The following DPP10 variants were observed in gnomAD, a reference collection of about 807,000 sequenced individuals.
DPP10 encodes the protein dipeptidyl peptidase like 10.
Under a neutral mutation model 120.9 loss-of-function variants are expected in DPP10, and 33 were observed. That is an observed-to-expected ratio of 0.27 (90% CI 0.21 to 0.37). DPP10 has a LOEUF of 0.37. DPP10 is among the 10% of genes least tolerant of loss of function. DPP10 has a pLI of 1.00. For missense variants in DPP10, 816 were observed against 942.8 expected (o/e 0.87, Z 1.76); for synonymous variants, 337 against 326.1 (o/e 1.03, Z -0.36).
At chr2:114,812,607 C>G (rs1290591983) in intron 1 of DPP10, among the ~76,000 whole-genome samples, 8 of 151,632 alleles carry the variant, frequency 5.3e-5, no homozygotes, top group Non-Finnish European at 8.8e-5. Context: ...CACACACACA[C>G]ACACACACAC....
At chr2:115,743,735 CT>C (rs1186139429) in intron 9 of DPP10, among the ~76,000 whole-genome samples, 1 of 143,136 alleles carries the variant, frequency 7.0e-6, no homozygotes, top group Non-Finnish European at 1.5e-5. Flanking sequence ...AAGTGTTTGT[CT>C]CATTTTTGAC....
At chr2:114,608,420 A>G (rs1477696826) in intron 1 of DPP10, among the ~76,000 whole-genome samples, 1 of 152,182 alleles carries the variant, frequency 6.6e-6, no homozygotes, top group Non-Finnish European at 1.5e-5. Flanking sequence ...AGACGGTGGT[A>G]ACAGCAAATA....
intron 1 of DPP10, among the ~76,000 whole-genome samples, chr2:114,633,418 A>G (rs1444650382): frequency 6.7e-6 from 1 of 149,524 alleles, no homozygotes; most frequent in East Asian, 2.0e-4. Flanking sequence ...CATCCAGCAA[A>G]TTTTTTGTAT....
chr2:114,947,918 C>T (rs961569), intron 1 of DPP10, among the ~76,000 whole-genome samples: 27,455 of 151,750 alleles, frequency 0.18, 2,621 homozygotes, highest in East Asian at 0.25. Flanking sequence ...GTCTCCCCTC[C>T]CCACCTTATC....
intron 4 of DPP10, among the ~76,000 whole-genome samples, chr2:115,508,909 A>G (rs1022208803): frequency 6.6e-6 from 1 of 152,180 alleles, no homozygotes; most frequent in Non-Finnish European, 1.5e-5. Flanking sequence ...CTCTAAGTAA[A>G]TAAATAAATA....
intron 5 of DPP10, among the ~76,000 whole-genome samples, chr2:115,610,714 T>A (rs986465521): frequency 6.6e-6 from 1 of 152,188 alleles, no homozygotes; most frequent in Non-Finnish European, 1.5e-5. Context: ...TTGTAAGAGA[T>A]CTTGAGTAAC....
chr2:115,555,602 T>C (rs1170597531), intron 5 of DPP10, among the ~76,000 whole-genome samples: 2 of 152,120 alleles, frequency 1.3e-5, no homozygotes, highest in Non-Finnish European at 2.9e-5. Flanking sequence ...GTGATACTTG[T>C]AGTCAGAAAG....
chr2:115,730,218 G>A (rs2092871180), intron 8 of DPP10, among the ~76,000 whole-genome samples: 1 of 152,124 alleles, frequency 6.6e-6, no homozygotes, highest in South Asian at 2.1e-4. Context: ...GAGATAATGA[G>A]CAATGGAACT....
At chr2:114,960,140 C>T (rs1698502259) in intron 1 of DPP10, among the ~76,000 whole-genome samples, 1 of 152,082 alleles carries the variant, frequency 6.6e-6, no homozygotes, top group Non-Finnish European at 1.5e-5. Context: ...TTTAAAAATA[C>T]ATAATTTCAT....
rs185794399 is a variant in DPP10 at position 115,448,963 on chromosome 2, A to G, written c.272-50547A>G. Among the ~76,000 whole-genome samples, 158 of 152,256 alleles carry G rather than the reference A, an allele frequency of 1.0e-3. 1 individual carries two copies. Among genetic ancestry groups the G allele is most frequent in the Non-Finnish European group, 1.7e-3 (114 of 67,994 alleles). ...TTTTAACTTGTGGTCTCTCATACCT[A>G]GAATAGTTCTGGCCAAATAGAAGAC... On this transcript the variant is annotated intron_variant, in intron 3 of 25. Transcript: ENST00000410059.
In DPP10 at chr2:114,526,494, T is replaced by C. The variant is rs532749853; in HGVS notation, c.60+83656T>C. Among the ~76,000 whole-genome samples the C allele has an allele frequency of 3.3e-5, 5 of 152,332 alleles. No homozygotes were observed. In the South Asian group the frequency reaches 1.0e-3, roughly 32 times the overall value. ...TATGGTAATAATCTAAAATATCCCA[T>C]AGAAAACACCTTTATGTGTTGCCCT... On this transcript the variant is annotated intron_variant, in intron 1 of 25. Coordinates refer to ENST00000410059, the MANE Select transcript of DPP10 (RefSeq NM_020868.6).
chr2:114,483,265 G>A lies in DPP10; in HGVS notation c.60+40427G>A, dbSNP rs370288776. 2.4e-4 allele frequency among the ~76,000 whole-genome samples: 37 copies of A among 151,890 alleles called. No homozygotes were observed. In the East Asian group the frequency reaches 6.0e-3, roughly 25 times the overall value. ...TCTTCAGAATACTGAACTTGGCAAC[G>A]GGGTGGAAGATCAAGGAGAGGTGAG... On this transcript the variant is annotated intron_variant, in intron 1 of 25. Transcript: ENST00000410059.
At chr2:115,330,770 G>A (rs2062677815) in intron 2 of DPP10, among the ~76,000 whole-genome samples, 1 of 151,406 alleles carries the variant, frequency 6.6e-6, no homozygotes, top group African/African-American at 2.4e-5. Flanking sequence ...TTTCTGTTCT[G>A]TTCCATTGGT....
intron 16 of DPP10, 125 bp from the exon 17 acceptor site, chr2:115,782,225 TTC>T (rs1361404407): frequency 1.9e-5 from 13 of 689,380 alleles, no homozygotes; most frequent in Non-Finnish European, 3.2e-5. Context: ...GTTATCTGGT[TTC>T]TGTTTTGTTA....
chr2:115,141,363 G>A (rs1248118949), intron 1 of DPP10, among the ~76,000 whole-genome samples: 2 of 152,134 alleles, frequency 1.3e-5, no homozygotes, highest in South Asian at 2.1e-4. Flanking sequence ...CGTGCATGCC[G>A]CTTCACACAT....
At chr2:114,734,617 T>C (rs2105957749) in intron 1 of DPP10, among the ~76,000 whole-genome samples, 1 of 152,322 alleles carries the variant, frequency 6.6e-6, no homozygotes, top group South Asian at 2.1e-4. Flanking sequence ...TAGGGCTGTG[T>C]CACAGGCCAT....
chr2:115,447,699 T>C (rs548621220), intron 3 of DPP10, among the ~76,000 whole-genome samples: 1 of 152,312 alleles, frequency 6.6e-6, no homozygotes, highest in Admixed American at 6.5e-5. Context: ...AGGGACTTGC[T>C]TCTCCTCATC....
intron 1 of DPP10, among the ~76,000 whole-genome samples, chr2:114,904,635 G>A (rs1189194989): frequency 1.3e-5 from 2 of 152,138 alleles, no homozygotes; most frequent in Non-Finnish European, 2.9e-5. Flanking sequence ...ACTATCACTT[G>A]ATAAAATGTA....
At chr2:114,984,193 A>G (rs1396933) in intron 1 of DPP10, among the ~76,000 whole-genome samples, 80,972 of 152,048 alleles carry the variant, frequency 0.53, 21,774 homozygotes, top group East Asian at 0.61. Flanking sequence ...GTGATAGACT[A>G]TAAAGAGAAG....
Sources: gnomAD v4.1 joint callset for allele counts (sites outside exome capture counted in the v4.1 genomes callset) on GRCh38, gnomAD v4.1.1 for gene constraint, MANE v1.5 for transcripts, NCBI Gene and HGNC (gene_info 2026-07-23, HGNC 2026-07-21) for gene names.